The following ANXA4 variants were observed in gnomAD, a reference collection of about 807,000 sequenced individuals.
ANXA4 encodes annexin A4, also known as 35-beta calcimedin.
Under a neutral mutation model 49.8 loss-of-function variants are expected in ANXA4, and 39 were observed. The ratio of observed to expected loss-of-function variants is 0.78; its 90% confidence interval spans 0.61 to 1.02. ANXA4 has a LOEUF of 1.02. Among genes scored for constraint, ANXA4 ranks in the 50% least tolerant of loss-of-function variants. The pLI, the probability that ANXA4 is intolerant of heterozygous loss-of-function variation, is 0.00. For missense variants in ANXA4, 360 were observed against 410.1 expected (o/e 0.88, Z 1.05); for synonymous variants, 134 against 152.5 (o/e 0.88, Z 0.89).
rs1558519285 is a variant in ANXA4 at position 69,808,134 on chromosome 2, G to A, written c.397+138G>A. The A allele has an allele frequency of 1.7e-5, 13 of 765,238 alleles. No individual in the cohort carries two copies. In the East Asian group the frequency reaches 2.5e-4, roughly 15 times the overall value. 47.4% of individuals were successfully genotyped at this position (765,238 alleles called of 1,614,324 possible). A position where few individuals can be genotyped will look rare whatever the true frequency, so the allele number is the denominator to read the frequency against. ...GATCCTCGGTGCCAAGCTCTGCTTC[G>A]AGGGAGATCCCTGTTTAGCCAAATG... is the stretch of plus-strand genomic sequence containing the variant. On this transcript the variant is annotated intron_variant, in intron 6 of 12. Coordinates refer to ENST00000394295, the MANE Select transcript of ANXA4 (RefSeq NM_001153.5).
chr2:69,668,674 T>A (rs1677034781), intron 2 of ANXA4, among the ~76,000 whole-genome samples: 1 of 152,194 alleles, frequency 6.6e-6, no homozygotes, highest in Non-Finnish European at 1.5e-5. Flanking sequence ...CTGAGTGATA[T>A]GTAAAACTCA....
Position 69,825,620 on chromosome 2 carries a change from T to A in ANXA4, c.*105T>A. 1.2e-6 allele frequency: 1 copy of A among 813,874 alleles called. No homozygotes were observed. The highest frequency in any genetic ancestry group is 2.0e-6 in the Non-Finnish European group (1 of 508,364). 50.4% of individuals were successfully genotyped at this position (813,874 alleles called of 1,614,324 possible). A position where few individuals can be genotyped will look rare whatever the true frequency, so the allele number is the denominator to read the frequency against. On this transcript the variant is annotated 3_prime_UTR_variant, in exon 13 of 13. Coordinates refer to ENST00000394295, the MANE Select transcript of ANXA4 (RefSeq NM_001153.5). Reference sequence around the variant, plus strand: ...TTATCTCAGAATGCTTATTTCCAATTAAAACGCCTACAGCTGCCTCCTAGA... The same window carrying A: ...TTATCTCAGAATGCTTATTTCCAATAAAAACGCCTACAGCTGCCTCCTAGA...
intron 2 of ANXA4, among the ~76,000 whole-genome samples, chr2:69,680,950 T>C (rs1677578060): frequency 1.3e-5 from 2 of 152,206 alleles, no homozygotes; most frequent in African/African-American, 2.4e-5. Flanking sequence ...TCGGGGATAA[T>C]GACCTTAGTT....
chr2:69,718,899 C>T (rs980839287), intron 2 of ANXA4, among the ~76,000 whole-genome samples: 1 of 152,070 alleles, frequency 6.6e-6, no homozygotes, highest in African/African-American at 2.4e-5. Context: ...CACATGCATA[C>T]ACAGCATGGC....
At chr2:69,757,266 ATTTTTTTTTTTTTTTT>A (rs1177266386) in intron 1 of ANXA4, among the ~76,000 whole-genome samples, 1 of 27,648 alleles carries the variant, frequency 3.6e-5, no homozygotes, top group African/African-American at 1.2e-4. Context: ...ATATATATAT[ATTTTTTTTTTTTTTTT>A]TTTTTTTAGG....
chr2:69,741,312 C>A (rs1011171681), upstream of ANXA4, among the ~76,000 whole-genome samples: 3 of 152,206 alleles, frequency 2.0e-5, no homozygotes, highest in African/African-American at 7.2e-5. Flanking sequence ...GGTGCAAAGA[C>A]GACCTAGCCC....
intron 11 of ANXA4, 29 bp downstream of exon 11, chr2:69,819,367 T>C: frequency 1.9e-6 from 3 of 1,548,654 alleles, no homozygotes; most frequent in Non-Finnish European, 2.7e-6. Flanking sequence ...AGCATCTAAA[T>C]GAATTTGAGT....
chr2:69,692,714 A>C (rs150691188), intron 2 of ANXA4, among the ~76,000 whole-genome samples: 33 of 152,312 alleles, frequency 2.2e-4, no homozygotes, highest in African/African-American at 3.4e-4. Context: ...GGATTTCCAT[A>C]AATTCAGTAA....
chr2:69,662,782 T>C (rs1037946957), intron 2 of ANXA4, among the ~76,000 whole-genome samples: 1 of 152,072 alleles, frequency 6.6e-6, no homozygotes, highest in African/African-American at 2.4e-5. Flanking sequence ...TCCAGGCAGC[T>C]TTGTAGACCT....
intron 3 of ANXA4, among the ~76,000 whole-genome samples, chr2:69,800,792 G>C (rs1475780141): frequency 6.6e-6 from 1 of 152,170 alleles, no homozygotes; most frequent in African/African-American, 2.4e-5. Context: ...GGCCTCGTCT[G>C]GGGTGACACC....
Position 69,676,153 on chromosome 2 carries a change from T to G in ANXA4, n.766+22871T>G, listed in dbSNP as rs552820452. Among the ~76,000 whole-genome samples the G allele has an allele frequency of 3.3e-5, 5 of 152,234 alleles. No individual in the cohort carries two copies. In the South Asian group the frequency reaches 1.0e-3, roughly 32 times the overall value. ...ATAATGTTTGCTTCTTCAGTCATTT[T>G]GAAATGTGAAAAAATGTGAATAAGA... On this transcript the variant is annotated intron_variant and non_coding_transcript_variant, in intron 2 of 3. Transcript: ENST00000418066.
intron 3 of ANXA4, among the ~76,000 whole-genome samples, chr2:69,788,642 C>T (rs1672522312): frequency 1.3e-5 from 2 of 151,520 alleles, no homozygotes. Context: ...TCGAGACCAT[C>T]CTGGCTAACA....
chr2:69,691,468 G>A (rs1001198895), intron 2 of ANXA4, among the ~76,000 whole-genome samples: 1 of 151,896 alleles, frequency 6.6e-6, no homozygotes, highest in African/African-American at 2.4e-5. Flanking sequence ...GTATAAAGAT[G>A]GGAGTTTACT....
chr2:69,817,791 A>G (rs1398990244), intron 9 of ANXA4: 1 of 152,162 alleles, frequency 6.6e-6, no homozygotes, highest in Non-Finnish European at 1.5e-5. Context: ...GACACCCAGG[A>G]AGTTTAATAG....
chr2:69,808,736 A>C (rs1425552933), intron 6 of ANXA4: 1 of 151,872 alleles, frequency 6.6e-6, no homozygotes, highest in African/African-American at 2.4e-5. Flanking sequence ...ATCATAGCTC[A>C]CTGCAACCTC....
intron 1 of ANXA4, among the ~76,000 whole-genome samples, chr2:69,650,024 C>A (rs1461453798): frequency 3.3e-5 from 5 of 150,318 alleles, no homozygotes; most frequent in African/African-American, 1.2e-4. Flanking sequence ...CAGCCACCAC[C>A]TCCCGGGTTC....
At chr2:69,666,377 A>G (rs72899459) in intron 2 of ANXA4, among the ~76,000 whole-genome samples, 5,293 of 152,320 alleles carry the variant, frequency 0.035, 148 homozygotes, top group African/African-American at 0.075. Flanking sequence ...TGGAACTTTC[A>G]TACAATGCTG....
intron 2 of ANXA4, among the ~76,000 whole-genome samples, chr2:69,667,525 C>T (rs956429828): frequency 6.6e-6 from 1 of 151,838 alleles, no homozygotes; most frequent in Non-Finnish European, 1.5e-5. Context: ...TGATTCAGTC[C>T]GATGTACAAA....
intron 2 of ANXA4, among the ~76,000 whole-genome samples, chr2:69,690,305 C>T (rs914463134): frequency 1.3e-5 from 2 of 152,156 alleles, no homozygotes; most frequent in Admixed American, 1.3e-4. Context: ...GTTGTGCTAT[C>T]TCGACTCACT....
Sources: allele counts gnomAD v4.1 joint callset (sites outside exome capture counted in the v4.1 genomes callset), GRCh38; gene constraint gnomAD v4.1.1; transcripts MANE v1.5; gene names NCBI Gene and HGNC (gene_info 2026-07-23, HGNC 2026-07-21).